CDC25A: variants seen among roughly 807,000 people sequenced by gnomAD.
CDC25A encodes cell division cycle 25A.
CDC25A carries 17 observed loss-of-function variants against 64.6 expected under a neutral mutation model. The ratio of observed to expected loss-of-function variants is 0.26; its 90% CI spans 0.18 to 0.39. The LOEUF is 0.39. Ranked by LOEUF, CDC25A falls within the 10% of genes least tolerant of loss-of-function variation. The pLI is 1.00. For missense variants in CDC25A, 473 were observed against 654.8 expected (o/e 0.72, Z 3.03); for synonymous variants, 229 against 238.6 (o/e 0.96, Z 0.37).
In CDC25A at chr3:48,177,447, A is replaced by G; in HGVS notation, c.685-5T>C. The G allele has an allele frequency of 1.2e-6, 2 of 1,611,568 alleles. No individual in the cohort carries two copies. Among genetic ancestry groups the G allele is most frequent in the African/African-American group, 2.7e-5 (2 of 74,938 alleles). On this transcript the variant is annotated splice_polypyrimidine_tract_variant and splice_region_variant and intron_variant, in intron 7 of 14. Coordinates refer to ENST00000302506, the MANE Select transcript of CDC25A (RefSeq NM_001789.3). ...CGAGGGGGTCTCCTCCTCATTCTAA[A>G]GAAACAGAAAAACTGATTTTAAAAA...
At chr3:48,184,230 TG>T (rs771533625) in intron 3 of CDC25A, among the ~76,000 whole-genome samples, 17 of 151,888 alleles carry the variant, frequency 1.1e-4, no homozygotes, top group Non-Finnish European at 1.2e-4. Context: ...GGTGTGGTGG[TG>T]CACTCCTGTA....
At chr3:48,169,073 G>A (rs938027834) in intron 9 of CDC25A, among the ~76,000 whole-genome samples, 6 of 152,286 alleles carry the variant, frequency 3.9e-5, no homozygotes, top group Non-Finnish European at 7.4e-5. Context: ...ATGAATTCCT[G>A]ATTATTATTG....
At position 48,183,856 on chromosome 3, in the gene CDC25A, TAAATAATGA is replaced by T. The variant is rs2032753744; in HGVS notation, c.291-29_291-21del. On this transcript the variant is annotated intron_variant, in intron 3 of 14. Coordinates refer to ENST00000302506, the MANE Select transcript of CDC25A (RefSeq NM_001789.3). ...TCAAGGCTGTAATGAGATCAGAAGG[TAAATAATGA>T]GAATAAAACAAGTAAAGAGGTATTC... is the stretch of plus-strand genomic sequence containing the variant. The T allele has an allele frequency of 4.0e-6, 6 of 1,502,294 alleles. No homozygotes were observed. The highest frequency in any genetic ancestry group is 4.6e-6 in the Non-Finnish European group (5 of 1,079,920). The allele number at this position is 1,502,294 out of a possible 1,614,324, so 93.1% of individuals were successfully genotyped here.
chr3:48,178,077 T>A (rs1266519526), intron 6 of CDC25A, 89 bp from the exon 7 acceptor site: 1 of 1,286,772 alleles, frequency 7.8e-7, no homozygotes, highest in African/African-American at 1.5e-5. Flanking sequence ...GATGAAAACA[T>A]ACTATGTTAT....
intron 9 of CDC25A, among the ~76,000 whole-genome samples, chr3:48,168,550 A>C (rs1052317426): frequency 6.6e-6 from 1 of 151,678 alleles, no homozygotes; most frequent in African/African-American, 2.4e-5. Context: ...GACTGAAACT[A>C]TCTCCAGAAA....
chr3:48,187,762 G>A lies in CDC25A; in HGVS notation c.170+16C>T. On this transcript the variant is annotated intron_variant, in intron 1 of 14. Coordinates refer to ENST00000302506, the MANE Select transcript of CDC25A (RefSeq NM_001789.3). ...AGGCCAGGGGCCCGGAGCACCGCCC[G>A]CCGGTCTCTCCTTACCTGCCCAGAC... 2.0e-6 allele frequency: 3 copies of A among 1,531,876 alleles called. No individual in the cohort carries two copies. The highest frequency in any genetic ancestry group is 2.6e-6 in the Non-Finnish European group (3 of 1,137,100). The allele number at this position is 1,531,876 out of a possible 1,614,324, so 94.9% of individuals were successfully genotyped here.
intron 13 of CDC25A, among the ~76,000 whole-genome samples, 163 bp from the exon 14 acceptor site, chr3:48,159,618 C>T (rs916361649): frequency 1.3e-5 from 2 of 152,160 alleles, no homozygotes; most frequent in African/African-American, 4.8e-5. Flanking sequence ...AGTTCCTGGC[C>T]ACATGAGCAG....
chr3:48,179,000 G>A (rs547927631), intron 6 of CDC25A, among the ~76,000 whole-genome samples: 82 of 152,054 alleles, frequency 5.4e-4, no homozygotes, highest in Non-Finnish European at 9.3e-4. Context: ...ATCTCTTTGG[G>A]GTATGAATCT....
rs2031555576 is a variant in CDC25A at position 48,157,263 on chromosome 3, C to T, written c.*1682G>A. ...CTGGTATAATCTGAAGGCCATCCCA[C>T]CTTTCTCTTTAGGCAGTCAACCAAC... On this transcript the variant is annotated 3_prime_UTR_variant, in exon 15 of 15. Transcript: ENST00000302506. 6.6e-6 allele frequency: 1 copy of T among 152,218 alleles called. No homozygotes were observed. Among genetic ancestry groups the T allele is most frequent in the African/African-American group, 2.4e-5 (1 of 41,448 alleles). The allele number at this position is 152,218 out of a possible 1,614,324, so 9.4% of individuals were successfully genotyped here. A position where few individuals can be genotyped will look rare whatever the true frequency, so the allele number is the denominator to read the frequency against.
chr3:48,182,882 G>T, intron 5 of CDC25A, 47 bp downstream of exon 5: 2 of 1,259,792 alleles, frequency 1.6e-6, no homozygotes, highest in Non-Finnish European at 2.3e-6. Context: ...CTGACAGCCT[G>T]TGGGTTTCAC....
intron 13 of CDC25A, chr3:48,161,208 G>C (rs972312936): frequency 6.6e-6 from 1 of 150,996 alleles, no homozygotes; most frequent in African/African-American, 2.5e-5. Flanking sequence ...TCTTTCCCCA[G>C]TGGAACAACA....
intron 9 of CDC25A, among the ~76,000 whole-genome samples, chr3:48,170,256 T>C (rs973843734): frequency 3.3e-5 from 5 of 152,132 alleles, no homozygotes; most frequent in Non-Finnish European, 7.3e-5. Flanking sequence ...ACTATCTACC[T>C]GCAGAGCGTC....
rs905406477 is a variant in CDC25A, at chr3:48,171,652, TACAGGAGTGAACC to T, written c.930+2619_930+2631del. ...CCTTGTCCTCCCAAAGTGCTGGGAT[TACAGGAGTGAACC>T]ACAGCACTCAGCCAGAATATTATTA... is the stretch of plus-strand genomic sequence containing the variant. On this transcript the variant is annotated intron_variant, in intron 9 of 14. Coordinates refer to ENST00000302506, the MANE Select transcript of CDC25A (RefSeq NM_001789.3). 1.8e-4 allele frequency among the ~76,000 whole-genome samples: 28 copies of T among 152,260 alleles called. No individual in the cohort carries two copies. In the South Asian group the frequency reaches 4.8e-3, roughly 26 times the overall value.
intron 6 of CDC25A, among the ~76,000 whole-genome samples, chr3:48,178,323 C>T (rs2032542369): frequency 6.6e-6 from 1 of 152,086 alleles, no homozygotes; most frequent in Non-Finnish European, 1.5e-5. Flanking sequence ...AGGACTGTGA[C>T]AGTATGAGAA....
chr3:48,163,599 C>T (rs1575259552), intron 13 of CDC25A, among the ~76,000 whole-genome samples: 1 of 150,586 alleles, frequency 6.6e-6, no homozygotes, highest in Admixed American at 6.6e-5. Context: ...AGCAAAACTC[C>T]GTCAAAAAAA....
At position 48,164,453 on chromosome 3, in the gene CDC25A, A is replaced by G; in HGVS notation, c.1192-16T>C. 6.5e-7 allele frequency: 1 copy of G among 1,529,858 alleles called. No individual in the cohort carries two copies. The highest frequency in any genetic ancestry group is 8.7e-7 in the Non-Finnish European group (1 of 1,143,964). The allele number at this position is 1,529,858 out of a possible 1,614,324, so 94.8% of individuals were successfully genotyped here. A position where few individuals can be genotyped will look rare whatever the true frequency, so the allele number is the denominator to read the frequency against. The stretch of plus-strand genomic sequence containing the variant: ...TCACTGCACCCTGTGAAGACAACAG[A>G]GACCCTTGGAACCTGCACGTTTCAC... On this transcript the variant is annotated splice_polypyrimidine_tract_variant and intron_variant, in intron 12 of 14. Transcript: ENST00000302506.
In CDC25A at chr3:48,159,032, T is replaced by C; in HGVS notation, c.1488A>G (p.Glu496=). 1 of 1,614,160 alleles carries C rather than the reference T, an allele frequency of 6.2e-7. No individual in the cohort carries two copies. ...YRPMHHEDFK[E]DLKKFRTKSR... ...TCTTGGTGCGGAACTTCTTCAGGTC[T>C]TCTTTAAAGTCCTCGTGGTGCATGG... Residue 496 remains glutamate, a synonymous_variant, in exon 15 of 15, where the codon GAA becomes GAG. Transcript: ENST00000302506.
At position 48,175,483 on chromosome 3, in the gene CDC25A, T is replaced by C. The variant is rs78385497; in HGVS notation, c.757-1026A>G. 9.8e-5 allele frequency among the ~76,000 whole-genome samples: 15 copies of C among 152,308 alleles called. No homozygotes were observed. In the East Asian group the frequency reaches 2.9e-3, roughly 29 times the overall value. On this transcript the variant is annotated intron_variant, in intron 8 of 14. Transcript: ENST00000302506. ...CTCAGTAAACCATTCATTTTCAAGT[T>C]GATGCTAACATTTCAATGTCACTTC...
chr3:48,174,566 A>G (rs2032388908), intron 8 of CDC25A, 109 bp from the exon 9 acceptor site: 1 of 1,079,208 alleles, frequency 9.3e-7, no homozygotes, highest in African/African-American at 1.6e-5. Flanking sequence ...TCAATTCTAA[A>G]TTAGCCAACA....
Sources: allele counts gnomAD v4.1 joint callset (sites outside exome capture counted in the v4.1 genomes callset), GRCh38; gene constraint gnomAD v4.1.1; transcripts MANE v1.5; gene names NCBI Gene and HGNC (gene_info 2026-07-23, HGNC 2026-07-21).